ANO2: variants seen among roughly 807,000 people sequenced by gnomAD.
The protein encoded by ANO2 is anoctamin-2.
A neutral mutation model predicts 124.2 loss-of-function variants in ANO2; 101 were observed. The ratio of observed to expected loss-of-function variants is 0.81; its 90% confidence interval spans 0.69 to 0.96. ANO2 has a LOEUF of 0.96. ANO2 is among the 40% of genes least tolerant of loss of function. The pLI is 0.00. For missense variants in ANO2, 1,293 were observed against 1,274.5 expected (o/e 1.01, Z -0.22); for synonymous variants, 486 against 482.5 (o/e 1.01, Z -0.09).
Position 5,739,291 on chromosome 12 carries a change from T to C in ANO2, c.1434+26A>G, listed in dbSNP as rs746920004. On this transcript the variant is annotated intron_variant, in intron 13 of 24. Transcript: ENST00000682330. ...AACAAAGCAAAAGCCCACAGAAGTATGTGAGAAATACGTGAGAGAACTCAC... is the reference window on the plus strand; with the variant it reads ...AACAAAGCAAAAGCCCACAGAAGTACGTGAGAAATACGTGAGAGAACTCAC... The C allele has an allele frequency of 4.6e-5, 72 of 1,561,084 alleles. 1 individual carries two copies. In the South Asian group the frequency reaches 5.5e-4, roughly 12 times the overall value.
chr12:5,781,240 T>A (rs896149547), intron 10 of ANO2, among the ~76,000 whole-genome samples: 10 of 152,220 alleles, frequency 6.6e-5, no homozygotes, highest in Non-Finnish European at 1.3e-4. Context: ...GCATCATGAA[T>A]GTTAGAAAAG....
At chr12:5,932,635 A>C (rs1372497750) in intron 1 of ANO2, among the ~76,000 whole-genome samples, 2 of 152,110 alleles carry the variant, frequency 1.3e-5, no homozygotes, top group South Asian at 2.1e-4. Context: ...CTAGTAAGGA[A>C]GGAAGACTGG....
rs542075871 is a variant in ANO2 at position 5,604,639 on chromosome 12, T to C, written c.2088-5010A>G. Among the ~76,000 whole-genome samples the C allele has an allele frequency of 4.6e-5, 7 of 152,228 alleles. No individual in the cohort carries two copies. The South Asian group carries it at 1.5e-3, about 32-fold the overall frequency. ...GAGGGGCTTTGTGATCAAAGTCCCA[T>C]CCAGTGTGGGTAGGTCAAAACAAAT... On this transcript the variant is annotated intron_variant, in intron 19 of 24. Transcript: ENST00000682330.
intron 20 of ANO2, chr12:5,584,136 C>CA (rs898560237): frequency 6.1e-5 from 10 of 163,758 alleles, no homozygotes; most frequent in Admixed American, 1.3e-4. Flanking sequence ...TGAACACCCC[C>CA]CCCCCGCCGC....
chr12:5,631,836 G>A (rs1031603193), intron 16 of ANO2, among the ~76,000 whole-genome samples: 1 of 152,138 alleles, frequency 6.6e-6, no homozygotes, highest in South Asian at 2.1e-4. Flanking sequence ...CTGAGAGCTT[G>A]AAATGCTAAC....
rs535528307 is a variant in ANO2 at position 5,849,207 on chromosome 12, A to C, written c.633+4836T>G. Among the ~76,000 whole-genome samples, 5 of 152,300 alleles carry C rather than the reference A, an allele frequency of 3.3e-5. No individual in the cohort carries two copies. In the South Asian group the frequency reaches 1.0e-3, roughly 32 times the overall value. On this transcript the variant is annotated intron_variant, in intron 4 of 24. Coordinates refer to ENST00000682330, the MANE Select transcript of ANO2 (RefSeq NM_001364791.2). Reference sequence around the variant, plus strand: ...GACGATTGGACAAAAGGGATTTTTCACCCATCCCAGGCATGTCACTTCTTC... The same window carrying C: ...GACGATTGGACAAAAGGGATTTTTCCCCCATCCCAGGCATGTCACTTCTTC...
intron 16 of ANO2, among the ~76,000 whole-genome samples, chr12:5,633,588 CA>C (rs75213359): frequency 0.27 from 40,628 of 148,860 alleles, 6,668 homozygotes; most frequent in East Asian, 0.49. Flanking sequence ...CAAAACAAAA[CA>C]AAAAAAAAAA....
chr12:5,605,661 G>A (rs1239422705), intron 19 of ANO2, among the ~76,000 whole-genome samples: 1 of 152,158 alleles, frequency 6.6e-6, no homozygotes, highest in East Asian at 1.9e-4. Context: ...TTATAGCAAA[G>A]AGTTGGGCTG....
chr12:5,615,181 C>T lies in ANO2; in HGVS notation c.1928+5G>A, dbSNP rs1944738132. On this transcript the variant is annotated splice_donor_5th_base_variant and intron_variant, in intron 17 of 24. Transcript: ENST00000682330. ...CCTTTCTACACATGACACCATTATA[C>T]TCACCTCCCTTTGAAAAAGGCCACA... The T allele has an allele frequency of 6.2e-7, 1 of 1,611,090 alleles. No individual in the cohort carries two copies. The highest frequency in any genetic ancestry group is 1.3e-5 in the African/African-American group (1 of 74,864).
intron 19 of ANO2, among the ~76,000 whole-genome samples, chr12:5,608,534 T>C (rs1242985084): frequency 6.6e-6 from 1 of 152,082 alleles, no homozygotes; most frequent in Non-Finnish European, 1.5e-5. Flanking sequence ...GAGAAATTCA[T>C]AGGGTGTTAG....
At chr12:5,820,152 G>A (rs1312065782) in intron 7 of ANO2, among the ~76,000 whole-genome samples, 1 of 152,174 alleles carries the variant, frequency 6.6e-6, no homozygotes, top group African/African-American at 2.4e-5. Flanking sequence ...TTGATTGAAG[G>A]GGAGGTTGGG....
intron 4 of ANO2, among the ~76,000 whole-genome samples, chr12:5,835,100 C>A (rs1236787338): frequency 6.6e-6 from 1 of 152,160 alleles, no homozygotes; most frequent in African/African-American, 2.4e-5. Flanking sequence ...GTTCATATTT[C>A]TGTTAACATT....
At chr12:5,810,120 C>T (rs1016233635) in intron 7 of ANO2, among the ~76,000 whole-genome samples, 1 of 152,180 alleles carries the variant, frequency 6.6e-6, no homozygotes, top group Non-Finnish European at 1.5e-5. Context: ...TTCTCTGTTC[C>T]CTCTAGCTGT....
At chr12:5,715,313 T>C (rs772273694) in intron 14 of ANO2, among the ~76,000 whole-genome samples, 5 of 152,208 alleles carry the variant, frequency 3.3e-5, no homozygotes, top group Admixed American at 6.5e-5. Flanking sequence ...CTTTGTCCCA[T>C]TGACTCCCCT....
intron 14 of ANO2, among the ~76,000 whole-genome samples, chr12:5,691,331 A>G (rs1372108563): frequency 1.8e-5 from 2 of 111,346 alleles, no homozygotes; most frequent in Admixed American, 1.9e-4. Flanking sequence ...CCATCTCAAA[A>G]AAAAAAAAAA....
chr12:5,838,455 G>C (rs567432304), intron 4 of ANO2, among the ~76,000 whole-genome samples: 4 of 152,250 alleles, frequency 2.6e-5, no homozygotes, highest in Admixed American at 2.0e-4. Flanking sequence ...ACTCTGTCGG[G>C]GGATGGAGCA....
At chr12:5,942,554 A>G (rs1942937645) in intron 1 of ANO2, among the ~76,000 whole-genome samples, 1 of 152,216 alleles carries the variant, frequency 6.6e-6, no homozygotes, top group Admixed American at 6.5e-5. Context: ...CTGAGCCACA[A>G]GACCGCACAC....
chr12:5,774,229 C>T (rs190087910), intron 10 of ANO2, among the ~76,000 whole-genome samples: 2 of 152,194 alleles, frequency 1.3e-5, no homozygotes, highest in East Asian at 1.9e-4. Context: ...GCAAGGTGGG[C>T]GGATTGCTTG....
At position 5,586,589 on chromosome 12, in the gene ANO2, A is replaced by C. The variant is rs186695995; in HGVS notation, c.2234-8071T>G. ...TGGAAATTTGGAAATTACCCATTGC[A>C]GTCTTTACCATCCATGACCAAAGAA... On this transcript the variant is annotated intron_variant, in intron 20 of 24. Coordinates refer to ENST00000682330, the MANE Select transcript of ANO2 (RefSeq NM_001364791.2). Among the ~76,000 whole-genome samples the C allele has an allele frequency of 2.4e-3, 359 of 152,344 alleles. 1 individual carries two copies. Among genetic ancestry groups the C allele is most frequent in the African/African-American group, 8.3e-3 (347 of 41,582 alleles).
Sources: allele counts gnomAD v4.1 joint callset (sites outside exome capture counted in the v4.1 genomes callset), GRCh38; gene constraint gnomAD v4.1.1; transcripts MANE v1.5; gene names NCBI Gene and HGNC (gene_info 2026-07-23, HGNC 2026-07-21).